GRIK2: variants seen among roughly 807,000 people sequenced by gnomAD.
The protein encoded by GRIK2 is glutamate receptor ionotropic, kainate 2.
GRIK2 carries 32 observed loss-of-function variants against 100.3 expected under a neutral mutation model. The observed-to-expected ratio is 0.32, with a 90% CI of 0.24 to 0.43. The LOEUF (loss-of-function observed/expected upper bound fraction) is 0.43, where lower values mean the gene tolerates loss of function less well. Among genes scored for constraint, GRIK2 ranks in the 20% least tolerant of loss-of-function variants. The pLI is 1.00. For missense variants in GRIK2, 843 were observed against 1,114.9 expected (o/e 0.76, Z 3.47); for synonymous variants, 417 against 389.4 (o/e 1.07, Z -0.83).
intron 7 of GRIK2, among the ~76,000 whole-genome samples, chr6:101,776,626 T>C (rs1359439): frequency 0.17 from 26,622 of 152,158 alleles, 2,514 homozygotes; most frequent in Admixed American, 0.23. Context: ...ATCTGTGCAA[T>C]AGCAGTCCTT....
chr6:101,837,911 C>T (rs1783238822), intron 10 of GRIK2, among the ~76,000 whole-genome samples: 1 of 152,006 alleles, frequency 6.6e-6, no homozygotes, highest in Admixed American at 6.6e-5. Flanking sequence ...AGGTAAAGTT[C>T]TTTATGGGGT....
chr6:101,695,812 ATTAC>A (rs1225622954), intron 7 of GRIK2, among the ~76,000 whole-genome samples: 1 of 152,106 alleles, frequency 6.6e-6, no homozygotes, highest in Non-Finnish European at 1.5e-5. Context: ...TTAAGTAAGT[ATTAC>A]TTACCTACAT....
At chr6:101,994,019 A>C (rs1225936605) in intron 14 of GRIK2, among the ~76,000 whole-genome samples, 4 of 148,338 alleles carry the variant, frequency 2.7e-5, no homozygotes, top group African/African-American at 9.8e-5. Context: ...TGTGTATATA[A>C]ATATATACAT....
At chr6:101,453,647 C>CT (rs1203380775) in intron 2 of GRIK2, among the ~76,000 whole-genome samples, 3 of 151,916 alleles carry the variant, frequency 2.0e-5, no homozygotes, top group South Asian at 2.1e-4. Context: ...AAATTCTTAA[C>CT]TTTTTTGTGA....
At position 101,557,234 on chromosome 6, in the gene GRIK2, A is replaced by G. The variant is rs543139549; in HGVS notation, c.116-64715A>G. ...ACTGACTTTAAATTTTTTGGCTTTTATTGTTAGACCATTCAAGTACCACGA... is the reference window on the plus strand; with the variant it reads ...ACTGACTTTAAATTTTTTGGCTTTTGTTGTTAGACCATTCAAGTACCACGA... On this transcript the variant is annotated intron_variant, in intron 2 of 16. Coordinates refer to ENST00000369134, the MANE Select transcript of GRIK2 (RefSeq NM_021956.5). Among the ~76,000 whole-genome samples, 4 of 152,262 alleles carry G rather than the reference A, an allele frequency of 2.6e-5. No individual in the cohort carries two copies. In the South Asian group the frequency reaches 8.3e-4, roughly 32 times the overall value.
At chr6:101,598,597 A>G (rs1196599606) in intron 2 of GRIK2, among the ~76,000 whole-genome samples, 1 of 140,042 alleles carries the variant, frequency 7.1e-6, no homozygotes, top group Non-Finnish European at 1.5e-5. Context: ...CTTAATAAAA[A>G]AAAAAAAAAA....
intron 2 of GRIK2, among the ~76,000 whole-genome samples, chr6:101,598,592 T>TAAAAAAAA (rs75603851): frequency 3.6e-5 from 3 of 82,360 alleles, no homozygotes; most frequent in African/African-American, 5.1e-5. Context: ...TCTTCCTTAA[T>TAAAAAAAA]AAAAAAAAAA....
intron 7 of GRIK2, among the ~76,000 whole-genome samples, chr6:101,754,321 G>C (rs1431140966): frequency 6.6e-6 from 1 of 152,172 alleles, no homozygotes; most frequent in African/African-American, 2.4e-5. Context: ...ATATGTGCCT[G>C]AGATATGTTT....
Position 102,036,720 on chromosome 6 carries a change from AT to A in GRIK2, c.2311+1155del, listed in dbSNP as rs1262686841. On this transcript the variant is annotated intron_variant, in intron 15 of 16. Coordinates refer to ENST00000369134, the MANE Select transcript of GRIK2 (RefSeq NM_021956.5). ...AGAAGAAATACAGTCCTTCAGAGAC[AT>A]CACTTTTAGGACTTCTGACATATAG... Among the ~76,000 whole-genome samples, 6 of 151,458 alleles carry A rather than the reference AT, an allele frequency of 4.0e-5. No homozygotes were observed. The Admixed American group carries it at 4.0e-4, about 10-fold the overall frequency.
chr6:101,937,826 T>A (rs1024987000), intron 14 of GRIK2, among the ~76,000 whole-genome samples: 1 of 152,092 alleles, frequency 6.6e-6, no homozygotes, highest in Non-Finnish European at 1.5e-5. Flanking sequence ...GACATATTGT[T>A]CTCATTTCTT....
Position 101,889,247 on chromosome 6 carries a change from C to G in GRIK2, c.1525-393C>G, listed in dbSNP as rs138741260. 7.5e-3 allele frequency among the ~76,000 whole-genome samples: 1,137 copies of G among 151,700 alleles called. 17 individuals are homozygous for G. Among genetic ancestry groups the G allele is most frequent in the African/African-American group, 0.025 (1,036 of 41,418 alleles). The stretch of plus-strand genomic sequence containing the variant: ...AGTTATTATTACTATTATAATTTGA[C>G]CAATGTATTAAGAAAATAATTAATA... On this transcript the variant is annotated intron_variant, in intron 11 of 16. Transcript: ENST00000369134.
At chr6:102,005,459 G>A (rs1309110907) in intron 14 of GRIK2, among the ~76,000 whole-genome samples, 3 of 151,994 alleles carry the variant, frequency 2.0e-5, no homozygotes, top group Non-Finnish European at 2.9e-5. Flanking sequence ...CTATGCCTAA[G>A]TGTGATTCTT....
chr6:101,638,785 G>A (rs1010388691), intron 4 of GRIK2, among the ~76,000 whole-genome samples: 2 of 151,764 alleles, frequency 1.3e-5, no homozygotes, highest in Admixed American at 6.6e-5. Context: ...ATAGCTTTGT[G>A]TAAGCCTGGG....
intron 7 of GRIK2, among the ~76,000 whole-genome samples, chr6:101,798,130 G>A (rs1044378968): frequency 2.6e-5 from 4 of 151,032 alleles, no homozygotes; most frequent in Non-Finnish European, 4.4e-5. Flanking sequence ...CCAGAAAGAG[G>A]AATTACTGGG....
chr6:101,702,592 C>T (rs1343141373), intron 7 of GRIK2, among the ~76,000 whole-genome samples: 1 of 151,864 alleles, frequency 6.6e-6, no homozygotes, highest in Non-Finnish European at 1.5e-5. Flanking sequence ...ATGTCTCAAG[C>T]ACTGTTTTTG....
intron 3 of GRIK2, among the ~76,000 whole-genome samples, chr6:101,622,695 G>T (rs945785817): frequency 6.6e-6 from 1 of 151,474 alleles, no homozygotes; most frequent in African/African-American, 2.4e-5. Context: ...AATTATATAA[G>T]GACATAATTA....
chr6:102,032,418 T>A (rs1770048709), intron 14 of GRIK2, among the ~76,000 whole-genome samples: 2 of 151,222 alleles, frequency 1.3e-5, no homozygotes. Context: ...CTGAATCATA[T>A]AAGGGACTGA....
intron 14 of GRIK2, among the ~76,000 whole-genome samples, chr6:102,011,124 A>T (rs1317438534): frequency 6.6e-6 from 1 of 152,172 alleles, no homozygotes; most frequent in East Asian, 1.9e-4. Context: ...TGCCTGCTAA[A>T]GTGTCTTCTA....
At chr6:101,545,878 T>C (rs993369075) in intron 2 of GRIK2, among the ~76,000 whole-genome samples, 17 of 152,190 alleles carry the variant, frequency 1.1e-4, no homozygotes, top group African/African-American at 4.1e-4. Context: ...TTTCTTACTT[T>C]AACTCCTTTC....
Sources: gnomAD v4.1 joint callset for allele counts (sites outside exome capture counted in the v4.1 genomes callset) on GRCh38, gnomAD v4.1.1 for gene constraint, MANE v1.5 for transcripts, NCBI Gene and HGNC (gene_info 2026-07-23, HGNC 2026-07-21) for gene names.